Variants in AP1G1 observed in about 807,000 individuals in gnomAD.
AP1G1 encodes adaptor related protein complex 1 subunit gamma 1.
AP1G1 carries 7 observed loss-of-function variants against 108.3 expected under a neutral mutation model. The observed-to-expected ratio is 0.06, with a 90% CI of 0.04 to 0.12. The LOEUF (loss-of-function observed/expected upper bound fraction) is 0.12, where lower values mean the gene tolerates loss of function less well. Ranked by LOEUF, AP1G1 falls within the 10% of genes least tolerant of loss-of-function variation. AP1G1 has a pLI of 1.00. For synonymous variants in AP1G1, 379 were observed against 353.5 expected (o/e 1.07, Z -0.81); for missense variants, 756 against 1,010.7 (o/e 0.75, Z 3.42).
intron 1 of AP1G1, among the ~76,000 whole-genome samples, chr16:71,790,686 A>G (rs1381200368): frequency 6.6e-6 from 1 of 152,096 alleles, no homozygotes; most frequent in Non-Finnish European, 1.5e-5. Context: ...TCCATGGGGG[A>G]AAAAAATTAA....
chr16:71,799,416 T>TATG (rs2032702789), intron 1 of AP1G1, among the ~76,000 whole-genome samples: 1 of 152,132 alleles, frequency 6.6e-6, no homozygotes, highest in African/African-American at 2.4e-5. Flanking sequence ...AATAATAAAT[T>TATG]ATGGTACATC....
Position 71,736,117 on chromosome 16 carries a change from AATATATAT to A in AP1G1, c.2269-1418_2269-1411del, listed in dbSNP as rs1306238313. ...CCATCTCAAAAAAAAAAAAAAAAAA[AATATATAT>A]ATATATATATATATATATATATGGT... is the stretch of plus-strand genomic sequence containing the variant. On this transcript the variant is annotated intron_variant, in intron 21 of 22. Transcript: ENST00000299980. Among the ~76,000 whole-genome samples the A allele has an allele frequency of 2.4e-3, 175 of 71,614 alleles. 3 individuals carry two copies. The highest frequency in any genetic ancestry group is 7.1e-3 in the East Asian group (15 of 2,100). The allele number at this position is 71,614 out of a possible 152,430, so 47.0% of individuals were successfully genotyped here. A position where few individuals can be genotyped will look rare whatever the true frequency, so the allele number is the denominator to read the frequency against.
intron 19 of AP1G1, among the ~76,000 whole-genome samples, chr16:71,744,795 A>C (rs1424120344): frequency 6.6e-6 from 1 of 151,922 alleles, no homozygotes; most frequent in Non-Finnish European, 1.5e-5. Context: ...AGGCTGGTCT[A>C]GAACTCCTGA....
chr16:71,740,919 A>G (rs1597035428), intron 19 of AP1G1, among the ~76,000 whole-genome samples: 1 of 152,252 alleles, frequency 6.6e-6, no homozygotes, highest in African/African-American at 2.4e-5. Flanking sequence ...TAAATGCTGT[A>G]TAATAAAATT....
intron 19 of AP1G1, 32 bp downstream of exon 19, chr16:71,745,112 C>A (rs370762235): frequency 6.2e-7 from 1 of 1,609,728 alleles, no homozygotes. Flanking sequence ...TCTATCTTTT[C>A]CCAGGTATTA....
intron 10 of AP1G1, 45 bp downstream of exon 10, chr16:71,761,467 G>A (rs781461576): frequency 4.6e-6 from 6 of 1,311,798 alleles, no homozygotes; most frequent in Non-Finnish European, 6.6e-6. Flanking sequence ...TTAAAATACT[G>A]GGCTTATAAT....
At chr16:71,791,266 C>G (rs1420758475) in intron 1 of AP1G1, among the ~76,000 whole-genome samples, 1 of 150,174 alleles carries the variant, frequency 6.7e-6, no homozygotes, top group Non-Finnish European at 1.5e-5. Context: ...AAAATCCTCA[C>G]AGAACTGTAA....
intron 12 of AP1G1, 138 bp downstream of exon 12, chr16:71,755,881 T>C (rs2030759781): frequency 1.1e-6 from 1 of 872,944 alleles, no homozygotes; most frequent in Non-Finnish European, 1.8e-6. Flanking sequence ...CCTGACTTCA[T>C]GATCCACCTG....
At chr16:71,807,969 G>C in intron 1 of AP1G1, 3 of 1,245,876 alleles carry the variant, frequency 2.4e-6, no homozygotes, top group Non-Finnish European at 2.1e-6. Flanking sequence ...CCTCCCAAAA[G>C]CCATTTAATC....
chr16:71,744,889 T>G (rs931459135), intron 19 of AP1G1, among the ~76,000 whole-genome samples: 2 of 152,202 alleles, frequency 1.3e-5, no homozygotes, highest in African/African-American at 4.8e-5. Context: ...AAAAGTAGTT[T>G]CTATCTTAAA....
intron 9 of AP1G1, among the ~76,000 whole-genome samples, chr16:71,763,928 G>C (rs1234897583): frequency 1.3e-5 from 2 of 152,140 alleles, no homozygotes; most frequent in Non-Finnish European, 2.9e-5. Flanking sequence ...TAATTGTTGT[G>C]GGCCAGATCC....
chr16:71,739,169 T>C, intron 20 of AP1G1, 65 bp downstream of exon 20: 2 of 1,609,902 alleles, frequency 1.2e-6, no homozygotes, highest in South Asian at 2.2e-5. Flanking sequence ...ATTACTTCTT[T>C]TTCTTAATAA....
chr16:71,787,016 T>A (rs2032228482), intron 2 of AP1G1, among the ~76,000 whole-genome samples: 1 of 149,598 alleles, frequency 6.7e-6, no homozygotes, highest in Non-Finnish European at 1.5e-5. Context: ...CAGAGTGAGA[T>A]CCCGTCTCAA....
At chr16:71,792,851 C>T (rs1253771614) in intron 1 of AP1G1, among the ~76,000 whole-genome samples, 1 of 149,430 alleles carries the variant, frequency 6.7e-6, no homozygotes, top group Non-Finnish European at 1.5e-5. Context: ...GAGACTCTGT[C>T]AAAAAGAAAG....
chr16:71,756,213 C>A, intron 11 of AP1G1, 54 bp from the exon 12 acceptor site: 2 of 1,556,106 alleles, frequency 1.3e-6, no homozygotes, highest in African/African-American at 1.4e-5. Context: ...GGAAATGAAA[C>A]AAAGACCCAG....
chr16:71,796,291 G>C (rs879779941), intron 1 of AP1G1, among the ~76,000 whole-genome samples: 1 of 152,162 alleles, frequency 6.6e-6, no homozygotes, highest in Non-Finnish European at 1.5e-5. Context: ...CTGGTCTTTA[G>C]AGAGGCAAAC....
intron 12 of AP1G1, among the ~76,000 whole-genome samples, chr16:71,754,340 AAAAGAAAGAAAG>A (rs139492288): frequency 6.6e-6 from 1 of 151,202 alleles, no homozygotes; most frequent in Non-Finnish European, 1.5e-5. Context: ...AAAAGAAAGA[AAAAGAAAGAAAG>A]AAAGAAAGGA....
chr16:71,776,411 T>A (rs1291630375), intron 2 of AP1G1, among the ~76,000 whole-genome samples: 1 of 152,194 alleles, frequency 6.6e-6, no homozygotes, highest in Non-Finnish European at 1.5e-5. Flanking sequence ...TTCTTCACAT[T>A]GAATTTAAAT....
intron 2 of AP1G1, among the ~76,000 whole-genome samples, chr16:71,787,318 C>CA (rs71153662): frequency 1.4e-3 from 133 of 96,866 alleles, no homozygotes; most frequent in African/African-American, 2.5e-3. Context: ...GACTCTGTCT[C>CA]AAAAAAAAAA....
Sources: allele counts gnomAD v4.1 joint callset (sites outside exome capture counted in the v4.1 genomes callset), GRCh38; gene constraint gnomAD v4.1.1; transcripts MANE v1.5; gene names NCBI Gene and HGNC (gene_info 2026-07-23, HGNC 2026-07-21).